Variants in HMGA1 observed in about 807,000 individuals in gnomAD.
HMGA1 encodes the protein high mobility group AT-hook 1, also known as high mobility group protein HMG-I/HMG-Y.
HMGA1 carries 1 observed loss-of-function variant against 15.1 expected under a neutral mutation model. The ratio of observed to expected loss-of-function variants is 0.07; its 90% CI spans 0.02 to 0.31. The LOEUF (loss-of-function observed/expected upper bound fraction) is 0.31. Ranked by LOEUF, HMGA1 falls within the 10% of genes least tolerant of loss-of-function variation. The probability of loss-of-function intolerance (pLI) is 1.00; values close to 1 mark genes in which losing one functional copy is unlikely to be tolerated. For synonymous variants in HMGA1, 56 were observed against 54.8 expected (o/e 1.02, Z -0.10); for missense variants, 94 against 141.4 (o/e 0.66, Z 1.70).
chr6:34,241,002 A>G (rs1383402928), intron 3 of HMGA1, 87 bp downstream of exon 3: 7 of 1,466,076 alleles, frequency 4.8e-6, no homozygotes, highest in South Asian at 1.2e-5. Flanking sequence ...GAGACCATGC[A>G]TGGAGGGTGC....
In HMGA1 at chr6:34,245,528, G is replaced by A; in HGVS notation, c.*644G>A. The A allele has an allele frequency of 7.2e-7, 1 of 1,382,048 alleles. No homozygotes were observed. The highest frequency in any genetic ancestry group is 9.6e-7 in the Non-Finnish European group (1 of 1,036,554). The allele number at this position is 1,382,048 out of a possible 1,614,324, so 85.6% of individuals were successfully genotyped here. On this transcript the variant is annotated 3_prime_UTR_variant, in exon 6 of 6. Transcript: ENST00000311487. ...GGACAGCCCCCTTCGGTTACAGGAA[G>A]GCAGGAGGGGTGAGTCCCCTACTCC...
Position 34,240,968 on chromosome 6 carries a change from T to C in HMGA1, c.135+53T>C, listed in dbSNP as rs987132077. ...GGTTTACCCTTTGGGGCTAGGGAGG[T>C]GCCTGGAGTTTCATTCAGCAGGCGA... On this transcript the variant is annotated intron_variant, in intron 3 of 5. Coordinates refer to ENST00000311487, the MANE Select transcript of HMGA1 (RefSeq NM_145899.3). 9.3e-6 allele frequency: 15 copies of C among 1,605,212 alleles called. No homozygotes were observed. The African/African-American group carries it at 2.0e-4, about 21-fold the overall frequency.
chr6:34,240,505 A>G (rs992208493), intron 2 of HMGA1, among the ~76,000 whole-genome samples: 18 of 152,234 alleles, frequency 1.2e-4, no homozygotes, highest in African/African-American at 4.3e-4. Context: ...GCAGGACAAC[A>G]AAGAGCCCTT....
chr6:34,237,905 C>T (rs1415218696), intron 2 of HMGA1, among the ~76,000 whole-genome samples: 1 of 152,092 alleles, frequency 6.6e-6, no homozygotes, highest in Non-Finnish European at 1.5e-5. Context: ...GGGTTTGGGG[C>T]TTCACCCCGA....
At position 34,243,382 on chromosome 6, in the gene HMGA1, G is replaced by A; in HGVS notation, c.220-86G>A. ...GTGTTGGGTCACCCTGAACAGGCAG[G>A]TAGGTCTGCCCCCCATCACTATTGG... On this transcript the variant is annotated intron_variant, in intron 4 of 5. Coordinates refer to ENST00000311487, the MANE Select transcript of HMGA1 (RefSeq NM_145899.3). 2.9e-6 allele frequency: 3 copies of A among 1,024,952 alleles called. No homozygotes were observed. The South Asian group carries it at 4.0e-5, about 14-fold the overall frequency. The allele number at this position is 1,024,952 out of a possible 1,614,324, so 63.5% of individuals were successfully genotyped here. A position where few individuals can be genotyped will look rare whatever the true frequency, so the allele number is the denominator to read the frequency against.
intron 2 of HMGA1, among the ~76,000 whole-genome samples, chr6:34,238,608 G>A (rs753398818): frequency 2.0e-5 from 3 of 152,222 alleles, no homozygotes; most frequent in Non-Finnish European, 4.4e-5. Flanking sequence ...GGAGGAGACA[G>A]GCTTGAGGCC....
chr6:34,241,768 C>T (rs1026865979), intron 3 of HMGA1, among the ~76,000 whole-genome samples: 2 of 152,192 alleles, frequency 1.3e-5, no homozygotes, highest in Admixed American at 1.3e-4. Context: ...GAGTTGAGTT[C>T]GACCTCTGCC....
At chr6:34,244,760 T>TG (rs372180751) in intron 5 of HMGA1, 71 bp from the exon 6 acceptor site, 50,611 of 1,320,914 alleles carry the variant, frequency 0.038, 1,183 homozygotes, top group Non-Finnish European at 0.044. Context: ...AGGGAGCGGG[T>TG]GGGGCCAGCC....
intron 2 of HMGA1, among the ~76,000 whole-genome samples, chr6:34,239,244 A>G (rs1306534429): frequency 2.0e-5 from 3 of 150,644 alleles, no homozygotes; most frequent in African/African-American, 4.9e-5. Context: ...TTTTCCTCTC[A>G]TTGGGGTAAA....
rs1336391651 is a variant in HMGA1, at chr6:34,245,613, T to C, written c.*729T>C. ...CCTGGGATCTGAGTACATATTGTGG[T>C]GATGGAGATGCAGTCACTTATTGTC... On this transcript the variant is annotated 3_prime_UTR_variant, in exon 6 of 6. Coordinates refer to ENST00000311487, the MANE Select transcript of HMGA1 (RefSeq NM_145899.3). 4 of 1,380,444 alleles carry C rather than the reference T, an allele frequency of 2.9e-6. No individual in the cohort carries two copies. Among genetic ancestry groups the C allele is most frequent in the Non-Finnish European group, 2.9e-6 (3 of 1,035,402 alleles). The allele number at this position is 1,380,444 out of a possible 1,614,324, so 85.5% of individuals were successfully genotyped here.
chr6:34,238,041 A>G (rs892484580), intron 2 of HMGA1, among the ~76,000 whole-genome samples: 1 of 151,800 alleles, frequency 6.6e-6, no homozygotes. Flanking sequence ...CCCCGTTTCT[A>G]TTTTATTTTC....
chr6:34,245,419 G>C lies in HMGA1; in HGVS notation c.*535G>C. ...AATGGAGGGGGGTGCTGGCCCCCAGGATTCCCCCAGCCAAACTGTCTTTGT... is the reference window on the plus strand; with the variant it reads ...AATGGAGGGGGGTGCTGGCCCCCAGCATTCCCCCAGCCAAACTGTCTTTGT... On this transcript the variant is annotated 3_prime_UTR_variant, in exon 6 of 6. Transcript: ENST00000311487. 7.3e-7 allele frequency: 1 copy of C among 1,362,456 alleles called. No homozygotes were observed. The highest frequency in any genetic ancestry group is 9.7e-7 in the Non-Finnish European group (1 of 1,033,420). 84.4% of individuals were successfully genotyped at this position (1,362,456 alleles called of 1,614,324 possible). A position where few individuals can be genotyped will look rare whatever the true frequency, so the allele number is the denominator to read the frequency against.
chr6:34,244,249 C>T (rs938442383), intron 5 of HMGA1, among the ~76,000 whole-genome samples: 1 of 152,120 alleles, frequency 6.6e-6, no homozygotes, highest in Admixed American at 6.5e-5. Context: ...GAGTTTGTGC[C>T]TGGCACGGGG....
intron 2 of HMGA1, among the ~76,000 whole-genome samples, chr6:34,238,158 C>T (rs1009077087): frequency 2.6e-5 from 4 of 152,294 alleles, no homozygotes; most frequent in East Asian, 1.9e-4. Flanking sequence ...CTTGGGTGCC[C>T]CCTCTGGCAG....
In HMGA1 at chr6:34,245,473, C is replaced by T. The variant is rs111748592; in HGVS notation, c.*589C>T. 2,708 of 1,379,418 alleles carry T rather than the reference C, an allele frequency of 2.0e-3. 51 individuals are homozygous for T. The African/African-American group carries it at 0.035, about 18-fold the overall frequency. The allele number at this position is 1,379,418 out of a possible 1,614,324, so 85.4% of individuals were successfully genotyped here. ...CACGTGGGGCTCACTTTTCATCCTT[C>T]CCCAACTTCCCTAGTCCCCGTACTA... On this transcript the variant is annotated 3_prime_UTR_variant, in exon 6 of 6. Coordinates refer to ENST00000311487, the MANE Select transcript of HMGA1 (RefSeq NM_145899.3).
In HMGA1 at chr6:34,245,291, C is replaced by G; in HGVS notation, c.*407C>G. 3 of 1,371,928 alleles carry G rather than the reference C, an allele frequency of 2.2e-6. No homozygotes were observed. The highest frequency in any genetic ancestry group is 2.9e-6 in the Non-Finnish European group (3 of 1,040,172). 85.0% of individuals were successfully genotyped at this position (1,371,928 alleles called of 1,614,324 possible). The stretch of plus-strand genomic sequence containing the variant: ...TCCTTCACTGTTCCCTCTGGCTTCC[C>G]ATAGTGGGGCCTGGGAGGGTTCCCC... On this transcript the variant is annotated 3_prime_UTR_variant, in exon 6 of 6. Transcript: ENST00000311487.
At chr6:34,242,438 C>T (rs779628665) in intron 3 of HMGA1, among the ~76,000 whole-genome samples, 49 of 152,228 alleles carry the variant, frequency 3.2e-4, no homozygotes, top group Non-Finnish European at 2.2e-4. Flanking sequence ...ACCTAACTGT[C>T]TTTCTGTCCC....
At chr6:34,242,169 G>A (rs930094698) in intron 3 of HMGA1, among the ~76,000 whole-genome samples, 10 of 152,168 alleles carry the variant, frequency 6.6e-5, no homozygotes, top group African/African-American at 2.2e-4. Flanking sequence ...CTGGAGTCCG[G>A]CTATAATTCC....
At chr6:34,237,629 C>G (rs1429899848) in intron 2 of HMGA1, among the ~76,000 whole-genome samples, 12 of 147,552 alleles carry the variant, frequency 8.1e-5, no homozygotes, top group Non-Finnish European at 1.1e-4. Flanking sequence ...GAGTTGTGCA[C>G]CCGGCGGAGC....
Sources: allele counts gnomAD v4.1 joint callset (sites outside exome capture counted in the v4.1 genomes callset), GRCh38; gene constraint gnomAD v4.1.1; transcripts MANE v1.5; gene names NCBI Gene and HGNC (gene_info 2026-07-23, HGNC 2026-07-21).